The following MIR17HG variants were observed in gnomAD, a reference collection of about 807,000 sequenced individuals.
MIR17HG encodes miR-17-92a-1 cluster host gene.
rs1169118420 is a variant in MIR17HG, at chr13:91,351,634, C to T, written n.284+1408C>T. Reference sequence around the variant, plus strand: ...TTGGCTGTTAAGTATTGCGATATGACTAAACATACTGTATACCTGATGATC... The same window carrying T: ...TTGGCTGTTAAGTATTGCGATATGATTAAACATACTGTATACCTGATGATC... On this transcript the variant is annotated intron_variant and non_coding_transcript_variant, in intron 3 of 3. Transcript: ENST00000400282. 5.6e-5 allele frequency: 17 copies of T among 303,894 alleles called. No individual in the cohort carries two copies. The East Asian group carries it at 1.1e-3, about 20-fold the overall frequency. The allele number at this position is 303,894 out of a possible 1,614,324, so 18.8% of individuals were successfully genotyped here. A position where few individuals can be genotyped will look rare whatever the true frequency, so the allele number is the denominator to read the frequency against.
chr13:91,353,379 C>G lies in MIR17HG; in HGVS notation n.285-554C>G, dbSNP rs143141243. Among the ~76,000 whole-genome samples, 847 of 152,222 alleles carry G rather than the reference C, an allele frequency of 5.6e-3. 8 individuals carry two copies. The highest frequency in any genetic ancestry group is 0.02 in the African/African-American group (815 of 41,524). On this transcript the variant is annotated intron_variant and non_coding_transcript_variant, in intron 3 of 3. Transcript: ENST00000400282. Reference sequence around the variant, plus strand: ...ATTGGGCTTGAACTGAGATTTAAATCTAATAAACAAGTTAATAAATGTGTA... The same window carrying G: ...ATTGGGCTTGAACTGAGATTTAAATGTAATAAACAAGTTAATAAATGTGTA...
At chr13:91,350,583 G>A (rs537970550) in intron 3 of MIR17HG, 6 of 533,784 alleles carry the variant, frequency 1.1e-5, no homozygotes, top group South Asian at 8.4e-5. Context: ...ACATCACCTT[G>A]TAAAACTGAA....
chr13:91,353,293 A>G (rs999672848), intron 3 of MIR17HG, among the ~76,000 whole-genome samples: 2 of 152,284 alleles, frequency 1.3e-5, no homozygotes, highest in Non-Finnish European at 2.9e-5. Context: ...TTTAATAACA[A>G]AGACTTAAAT....
At chr13:91,354,192 G>A (rs1310446429) in exon 4 of MIR17HG, 1 of 152,200 alleles carries the variant, frequency 6.6e-6, no homozygotes, top group Non-Finnish European at 1.5e-5. Flanking sequence ...GTGTTTGATG[G>A]AAATAAGATC....
At chr13:91,348,828 G>C (rs1594011796) in intron 1 of MIR17HG, among the ~76,000 whole-genome samples, 2 of 149,774 alleles carry the variant, frequency 1.3e-5, no homozygotes, top group Admixed American at 6.6e-5. Context: ...ACATGGCGGC[G>C]ACTGCGCGCC....
At chr13:91,348,360 T>A (rs1467712192) in intron 1 of MIR17HG, among the ~76,000 whole-genome samples, 1 of 149,794 alleles carries the variant, frequency 6.7e-6, no homozygotes, top group Admixed American at 6.6e-5. Context: ...GTGGGGTCTC[T>A]GGGTAGGAAA....
intron 1 of MIR17HG, among the ~76,000 whole-genome samples, chr13:91,349,445 A>G (rs2138689805): frequency 6.6e-6 from 1 of 152,100 alleles, no homozygotes; most frequent in South Asian, 2.1e-4. Context: ...ATCATAATCA[A>G]GTATTTTAGG....
exon 1 of MIR17HG, chr13:91,347,865 G>C (rs1176977315): frequency 6.6e-6 from 1 of 151,044 alleles, no homozygotes; most frequent in Non-Finnish European, 1.5e-5. Context: ...CCCCCGGCCT[G>C]GGGCCTCCGG....
At chr13:91,353,624 A>G (rs1875433629) in intron 3 of MIR17HG, among the ~76,000 whole-genome samples, 1 of 152,242 alleles carries the variant, frequency 6.6e-6, no homozygotes, top group Non-Finnish European at 1.5e-5. Context: ...ATGAGTGAGC[A>G]AGTTGATAAT....
At chr13:91,349,545 TC>T (rs2138689961) in intron 1 of MIR17HG, among the ~76,000 whole-genome samples, 2 of 152,200 alleles carry the variant, frequency 1.3e-5, no homozygotes, top group Admixed American at 1.3e-4. Flanking sequence ...GGCTTTTAAA[TC>T]CTGCTAGTAT....
chr13:91,347,720 C>G (rs553184883), upstream of MIR17HG: 1 of 153,012 alleles, frequency 6.5e-6, no homozygotes, highest in Non-Finnish European at 1.5e-5. Context: ...GTGCCGCCGC[C>G]GCCGCCCGAC....
exon 4 of MIR17HG, chr13:91,354,140 G>T (rs549000345): frequency 6.6e-6 from 1 of 152,348 alleles, no homozygotes; most frequent in African/African-American, 2.4e-5. Context: ...CAACTGAGCA[G>T]TAAAGGTAAG....
At chr13:91,350,968 C>T (rs993053169) in intron 3 of MIR17HG, 1 of 529,884 alleles carries the variant, frequency 1.9e-6, no homozygotes, top group Non-Finnish European at 3.9e-6. Flanking sequence ...CTGATGGTGG[C>T]CTGCTATTTC....
intron 1 of MIR17HG, among the ~76,000 whole-genome samples, chr13:91,348,114 G>C (rs936970388): frequency 4.8e-5 from 7 of 144,704 alleles, no homozygotes; most frequent in African/African-American, 1.5e-4. Flanking sequence ...CCGCCCCGGC[G>C]TGTGGCAGCC....
intron 1 of MIR17HG, among the ~76,000 whole-genome samples, chr13:91,348,118 G>A (rs1332610272): frequency 7.3e-6 from 1 of 136,988 alleles, no homozygotes; most frequent in South Asian, 2.5e-4. Context: ...CCCGGCGTGT[G>A]GCAGCCGCAT....
At chr13:91,350,539 A>G in intron 3 of MIR17HG, 3 of 531,506 alleles carry the variant, frequency 5.6e-6, no homozygotes. Context: ...GTTAATTCTA[A>G]TTATCTATTT....
At position 91,348,235 on chromosome 13, in the gene MIR17HG, A is replaced by C. The variant is rs1365700919; in HGVS notation, n.140+276A>C. ...TGGCGGCCGCGCCCGGGACCCGCGCAGACCCTGCCTGGGCCGACCCGAAGG... is the reference window on the plus strand; with the variant it reads ...TGGCGGCCGCGCCCGGGACCCGCGCCGACCCTGCCTGGGCCGACCCGAAGG... On this transcript the variant is annotated intron_variant and non_coding_transcript_variant, in intron 1 of 3. Coordinates refer to ENST00000400282, the Ensembl canonical transcript of MIR17HG. Among the ~76,000 whole-genome samples the C allele has an allele frequency of 1.3e-4, 20 of 149,374 alleles. 1 individual carries two copies. The South Asian group carries it at 3.7e-3, about 28-fold the overall frequency.
At chr13:91,349,051 G>T (rs1223055428) in intron 1 of MIR17HG, among the ~76,000 whole-genome samples, 7 of 151,824 alleles carry the variant, frequency 4.6e-5, no homozygotes, top group Non-Finnish European at 1.0e-4. Context: ...CGTCCGGCGG[G>T]GCCTGACTCT....
Position 91,354,265 on chromosome 13 carries a change from T to C in MIR17HG, n.617T>C, listed in dbSNP as rs1212897388. 2.6e-5 allele frequency: 4 copies of C among 152,230 alleles called. No homozygotes were observed. In the East Asian group the frequency reaches 5.8e-4, roughly 22 times the overall value. The allele number at this position is 152,230 out of a possible 1,614,324, so 9.4% of individuals were successfully genotyped here. ...TAGTGGTTGTATGAGTTACATCTTA[T>C]TAAAGTCGAAATTAATGTAGTTTTC... is the stretch of plus-strand genomic sequence containing the variant. On this transcript the variant is annotated non_coding_transcript_exon_variant, in exon 4 of 4. Coordinates refer to ENST00000400282, the Ensembl canonical transcript of MIR17HG.
Sources: allele counts gnomAD v4.1 joint callset (sites outside exome capture counted in the v4.1 genomes callset), GRCh38; gene constraint gnomAD v4.1.1; transcripts MANE v1.5; gene names NCBI Gene and HGNC (gene_info 2026-07-23, HGNC 2026-07-21).